The following ITGB3 variants were observed in gnomAD, a reference collection of about 807,000 sequenced individuals.
ITGB3 encodes the protein integrin beta-3.
ITGB3 carries 48 observed loss-of-function variants against 85.8 expected under a neutral mutation model. The ratio of observed to expected loss-of-function variants is 0.56; its 90% CI spans 0.44 to 0.71. The LOEUF (loss-of-function observed/expected upper bound fraction) is 0.71. Among genes scored for constraint, ITGB3 ranks in the 30% least tolerant of loss-of-function variants. The pLI is 0.00. For synonymous variants in ITGB3, 363 were observed against 395.6 expected (o/e 0.92, Z 0.98); for missense variants, 861 against 1,019.1 (o/e 0.84, Z 2.11).
At chr17:47,308,309 T>C (rs1401644140) in intron 14 of ITGB3, among the ~76,000 whole-genome samples, 2 of 152,110 alleles carry the variant, frequency 1.3e-5, no homozygotes, top group Non-Finnish European at 2.9e-5. Context: ...CTCTTTTGGC[T>C]CTTCTTTCAC....
rs2065213086 is a variant in ITGB3, at chr17:47,311,129, G to A, written c.*925G>A. 6.5e-6 allele frequency: 1 copy of A among 153,148 alleles called. No individual in the cohort carries two copies. Among genetic ancestry groups the A allele is most frequent in the South Asian group, 2.1e-4 (1 of 4,830 alleles). The allele number at this position is 153,148 out of a possible 1,614,324, so 9.5% of individuals were successfully genotyped here. A position where few individuals can be genotyped will look rare whatever the true frequency, so the allele number is the denominator to read the frequency against. Reference sequence around the variant, plus strand: ...TCATGACCAAATGCTTTTCCTCAAAGGGAGAGAGTGCTATTGTAGAGCCAG... The same window carrying A: ...TCATGACCAAATGCTTTTCCTCAAAAGGAGAGAGTGCTATTGTAGAGCCAG... On this transcript the variant is annotated 3_prime_UTR_variant, in exon 15 of 15. Transcript: ENST00000559488.
rs368427993 is a variant in ITGB3 at position 47,274,461 on chromosome 17, A to T, written c.122A>T (p.Gln41Leu). The T allele has an allele frequency of 2.5e-6, 4 of 1,613,748 alleles. No individual in the cohort carries two copies. The African/African-American group carries it at 4.0e-5, about 16-fold the overall frequency. ...CTTRGVSSCQ[Q>L]CLAVSPMCAW... is the part of the protein sequence containing the mutation. ...ACGCGAGGTGTGAGCTCCTGCCAGC[A>T]GTGCCTGGCTGTGAGCCCCATGTGT... is the stretch of plus-strand genomic sequence containing the variant. The change falls in exon 2 of 15, where the codon CAG (glutamine) becomes CTG (leucine). Residue 41 changes from glutamine (Q) to leucine (L), a missense_variant. Coordinates refer to ENST00000559488, the MANE Select transcript of ITGB3 (RefSeq NM_000212.3).
At chr17:47,307,974 T>G (rs1393689930) in intron 14 of ITGB3, among the ~76,000 whole-genome samples, 1 of 152,056 alleles carries the variant, frequency 6.6e-6, no homozygotes, top group East Asian at 1.9e-4. Flanking sequence ...GAGACCAGCC[T>G]GGGCAACATG....
At chr17:47,272,499 C>T (rs1438236785) in intron 1 of ITGB3, among the ~76,000 whole-genome samples, 1 of 151,992 alleles carries the variant, frequency 6.6e-6, no homozygotes, top group African/African-American at 2.4e-5. Flanking sequence ...TCAACATCTA[C>T]TCTTACAGTA....
At chr17:47,283,260 A>T in intron 2 of ITGB3, 94 bp from the exon 3 acceptor site, 1 of 1,174,746 alleles carries the variant, frequency 8.5e-7, no homozygotes. Flanking sequence ...TACGGGGTAA[A>T]CTCTTAGCTA....
intron 1 of ITGB3, among the ~76,000 whole-genome samples, chr17:47,261,191 A>G (rs2065007709): frequency 6.6e-6 from 1 of 152,188 alleles, no homozygotes; most frequent in Admixed American, 6.5e-5. Context: ...TTGATGCTGA[A>G]GGTGCAGTTT....
chr17:47,270,424 C>T (rs1356250200), intron 1 of ITGB3, among the ~76,000 whole-genome samples: 3 of 152,212 alleles, frequency 2.0e-5, no homozygotes, highest in Non-Finnish European at 2.9e-5. Flanking sequence ...AAGAGAGGCT[C>T]TGTCCACATC....
chr17:47,263,477 C>T lies in ITGB3; in HGVS notation c.79+9537C>T, dbSNP rs534982174. Among the ~76,000 whole-genome samples the T allele has an allele frequency of 1.8e-4, 13 of 73,374 alleles. No homozygotes were observed. The South Asian group carries it at 7.5e-3, about 42-fold the overall frequency. The allele number at this position is 73,374 out of a possible 152,430, so 48.1% of individuals were successfully genotyped here. A position where few individuals can be genotyped will look rare whatever the true frequency, so the allele number is the denominator to read the frequency against. On this transcript the variant is annotated intron_variant, in intron 1 of 14. Coordinates refer to ENST00000559488, the MANE Select transcript of ITGB3 (RefSeq NM_000212.3). ...TCCCTCATTGCTTGCTATTCCCCGC[C>T]CCCCCCACCCCCACCCTTTCTTTTC...
At chr17:47,287,041 T>C in intron 5 of ITGB3, 29 bp from the exon 6 acceptor site, 1 of 1,612,078 alleles carries the variant, frequency 6.2e-7, no homozygotes, top group Non-Finnish European at 8.5e-7. Flanking sequence ...TTGTCTCCTC[T>C]GCCTTTGTTT....
intron 6 of ITGB3, among the ~76,000 whole-genome samples, chr17:47,288,958 G>A (rs909288142): frequency 5.9e-5 from 9 of 152,212 alleles, no homozygotes; most frequent in African/African-American, 2.2e-4. Flanking sequence ...TCCTGAAGAA[G>A]GTGGGGGCTA....
chr17:47,279,468 G>T (rs964850731), intron 2 of ITGB3: 4 of 152,196 alleles, frequency 2.6e-5, no homozygotes, highest in Non-Finnish European at 5.9e-5. Flanking sequence ...TGACGAGCAG[G>T]CCTGTTATAT....
intron 10 of ITGB3, among the ~76,000 whole-genome samples, chr17:47,294,352 C>T (rs1484545481): frequency 6.6e-6 from 1 of 152,220 alleles, no homozygotes; most frequent in Non-Finnish European, 1.5e-5. Flanking sequence ...GGCTGGACCA[C>T]GGGGGCACCC....
intron 2 of ITGB3, among the ~76,000 whole-genome samples, chr17:47,275,290 C>A (rs977798258): frequency 1.3e-5 from 2 of 151,708 alleles, no homozygotes; most frequent in African/African-American, 4.9e-5. Flanking sequence ...TTAGTTGTGT[C>A]TAGGCAGAGG....
intron 1 of ITGB3, among the ~76,000 whole-genome samples, chr17:47,256,238 G>A (rs1456408022): frequency 6.6e-6 from 1 of 152,148 alleles, no homozygotes; most frequent in Non-Finnish European, 1.5e-5. Context: ...AGTGGAGGTA[G>A]AAGGATTGCT....
At chr17:47,269,086 T>C (rs868733029) in intron 1 of ITGB3, among the ~76,000 whole-genome samples, 9 of 152,204 alleles carry the variant, frequency 5.9e-5, no homozygotes, top group Admixed American at 2.0e-4. Context: ...CTTTTAGCCA[T>C]GGCTAGAGTG....
At chr17:47,253,993 CG>C (rs1447508118) in intron 1 of ITGB3, 53 bp downstream of exon 1, 5 of 1,183,376 alleles carry the variant, frequency 4.2e-6, no homozygotes, top group Non-Finnish European at 4.5e-6. Flanking sequence ...ATCTGCGCCC[CG>C]GTCAAGTTGC....
chr17:47,296,019 G>A (rs2065144740), intron 10 of ITGB3, among the ~76,000 whole-genome samples: 2 of 152,222 alleles, frequency 1.3e-5, no homozygotes, highest in Admixed American at 6.5e-5. Flanking sequence ...GCATCTGGCT[G>A]AGACCACATT....
chr17:47,272,098 C>G (rs2065046205), intron 1 of ITGB3, among the ~76,000 whole-genome samples: 1 of 135,014 alleles, frequency 7.4e-6, no homozygotes, highest in Non-Finnish European at 1.5e-5. Flanking sequence ...TGCTCTGGCT[C>G]AGGCTGGAGT....
chr17:47,294,780 C>T (rs142687900), intron 10 of ITGB3, among the ~76,000 whole-genome samples: 1 of 152,306 alleles, frequency 6.6e-6, no homozygotes, highest in Non-Finnish European at 1.5e-5. Flanking sequence ...GCTTAAAGCC[C>T]CACTCACCAT....
Sources: allele counts gnomAD v4.1 joint callset (sites outside exome capture counted in the v4.1 genomes callset), GRCh38; gene constraint gnomAD v4.1.1; transcripts MANE v1.5; gene names NCBI Gene and HGNC (gene_info 2026-07-23, HGNC 2026-07-21).